The following HIP1 variants were observed in gnomAD, a reference collection of about 807,000 sequenced individuals.
HIP1 encodes huntingtin interacting protein 1, also known as huntingtin-interacting protein 1.
HIP1 carries 65 observed loss-of-function variants against 147.6 expected under a neutral mutation model. The observed-to-expected ratio is 0.44, with a 90% CI of 0.36 to 0.54. HIP1 has a LOEUF of 0.54. Ranked by LOEUF, HIP1 falls within the 20% of genes least tolerant of loss-of-function variation. HIP1 has a pLI of 0.00. For missense variants in HIP1, 1,061 were observed against 1,299.6 expected, an observed-to-expected ratio of 0.82 and a Z score of 2.82; for synonymous variants, 479 against 504.0, an observed-to-expected ratio of 0.95 and a Z score of 0.67.
chr7:75,542,943 G>T lies in HIP1; in HGVS notation c.2798C>A (p.Ala933Asp). 2 of 1,614,008 alleles carry T rather than the reference G, an allele frequency of 1.2e-6. No homozygotes were observed. Among genetic ancestry groups the T allele is most frequent in the South Asian group, 2.2e-5 (2 of 91,048 alleles). Reference sequence around the variant, plus strand: ...TCCCCGAGAGGCCTGCTGCAGCTGGGCTAGGTTGGGGCTGTCCTTATCAGC... The same window carrying T: ...TCCCCGAGAGGCCTGCTGCAGCTGGTCTAGGTTGGGGCTGTCCTTATCAGC... ...VKADKDSPNL[A>D]QLQQASRGVN... Residue 933 changes from alanine (A) to aspartate (D), a missense_variant, in exon 28 of 31, where the codon GCC becomes GAC. By Grantham distance (126) the Ala-to-Asp change is moderately radical (BLOSUM62 -2). Transcript: ENST00000336926.
chr7:75,730,341 A>ATTT (rs113646244), intron 1 of HIP1, among the ~76,000 whole-genome samples: 4 of 143,404 alleles, frequency 2.8e-5, no homozygotes, highest in Admixed American at 7.0e-5. Context: ...GTAAAATAGG[A>ATTT]TTTTTTTTTT....
At chr7:75,630,842 C>A (rs1798188356) in intron 1 of HIP1, among the ~76,000 whole-genome samples, 1 of 152,204 alleles carries the variant, frequency 6.6e-6, no homozygotes, top group Non-Finnish European at 1.5e-5. Flanking sequence ...ATGCTCCCCT[C>A]TTTCCCTGAA....
chr7:75,594,752 C>T (rs899498109), intron 2 of HIP1, among the ~76,000 whole-genome samples: 5 of 152,128 alleles, frequency 3.3e-5, no homozygotes, highest in Non-Finnish European at 5.9e-5. Context: ...CCAGCCTGGG[C>T]GACAGAGCGA....
In HIP1 at chr7:75,567,750, G is replaced by T. The variant is rs587718918; in HGVS notation, c.803+449C>A. On this transcript the variant is annotated intron_variant, in intron 9 of 30. Transcript: ENST00000336926. ...CAGGAGGCGGAGGTTGCAGTGAGCC[G>T]AGATCGTGCCATTGCCATTGCACTC... Among the ~76,000 whole-genome samples the T allele has an allele frequency of 2.0e-5, 3 of 146,494 alleles. No individual in the cohort carries two copies. In the South Asian group the frequency reaches 6.2e-4, roughly 30 times the overall value.
intron 22 of HIP1, among the ~76,000 whole-genome samples, chr7:75,550,357 C>T (rs1000984159): frequency 1.2e-4 from 18 of 152,230 alleles, no homozygotes; most frequent in Non-Finnish European, 4.4e-5. Flanking sequence ...CCCTTACTCC[C>T]TGCCTTCTAC....
intron 22 of HIP1, among the ~76,000 whole-genome samples, chr7:75,549,353 G>T (rs1380234045): frequency 2.0e-5 from 3 of 148,004 alleles, no homozygotes; most frequent in East Asian, 2.0e-4. Context: ...TTTTTCTTTT[G>T]CTTTCTTTCT....
intron 1 of HIP1, among the ~76,000 whole-genome samples, chr7:75,735,458 T>C (rs1166235184): frequency 6.6e-6 from 1 of 152,190 alleles, no homozygotes; most frequent in East Asian, 1.9e-4. Flanking sequence ...ACACAATAAT[T>C]AGTTAGTTAT....
chr7:75,637,992 CCACACACACACATACACACACACACA>C (rs1798496719), intron 1 of HIP1, among the ~76,000 whole-genome samples: 5 of 48,618 alleles, frequency 1.0e-4, no homozygotes, highest in African/African-American at 4.3e-4. Flanking sequence ...CCCCCCCCCC[CCACACACACACATACACACACACACA>C]CACACACACA....
At chr7:75,641,056 C>T (rs567672807) in intron 1 of HIP1, among the ~76,000 whole-genome samples, 1 of 152,122 alleles carries the variant, frequency 6.6e-6, no homozygotes, top group South Asian at 2.1e-4. Flanking sequence ...CCTCTAATCC[C>T]AGCACTTTGG....
At chr7:75,547,632 C>A in intron 24 of HIP1, 123 bp downstream of exon 24, 1 of 794,818 alleles carries the variant, frequency 1.3e-6, no homozygotes. Context: ...ATTACATCAA[C>A]TCAGCCCTTC....
At chr7:75,555,372 C>A (rs1554493022) in intron 19 of HIP1, 44 bp downstream of exon 19, 6 of 1,609,818 alleles carry the variant, frequency 3.7e-6, no homozygotes, top group Non-Finnish European at 3.4e-6. Context: ...GAGTCTCAGG[C>A]TGTAAGGACC....
intron 1 of HIP1, among the ~76,000 whole-genome samples, chr7:75,681,087 A>T (rs913563900): frequency 4.6e-5 from 7 of 150,876 alleles, no homozygotes; most frequent in Non-Finnish European, 1.0e-4. Flanking sequence ...AGATTTTTGT[A>T]TTTTTAGTAG....
intron 1 of HIP1, among the ~76,000 whole-genome samples, chr7:75,609,453 G>A (rs1797344847): frequency 6.6e-6 from 1 of 151,998 alleles, no homozygotes. Flanking sequence ...GTGTACCTGG[G>A]ATACCACCTC....
chr7:75,558,767 C>T (rs1795113591), intron 14 of HIP1, among the ~76,000 whole-genome samples: 1 of 152,036 alleles, frequency 6.6e-6, no homozygotes, highest in Non-Finnish European at 1.5e-5. Context: ...GCCTATAATC[C>T]CAGCACTTTG....
intron 1 of HIP1, among the ~76,000 whole-genome samples, chr7:75,617,945 T>G (rs1364950957): frequency 6.6e-6 from 1 of 152,188 alleles, no homozygotes. Flanking sequence ...ACCAGACATA[T>G]CCTGATCTTT....
At chr7:75,639,353 G>A (rs1353776309) in intron 1 of HIP1, 8 of 246,856 alleles carry the variant, frequency 3.2e-5, no homozygotes, top group African/African-American at 4.7e-5. Context: ...AGACCGGCGC[G>A]CCCGAGCCCC....
rs1343622585 is a variant in HIP1, at chr7:75,595,239, TCTTTCTTTCTTTCTTCCTTC to T, written c.185-2745_185-2726del. 5.3e-3 allele frequency among the ~76,000 whole-genome samples: 585 copies of T among 110,580 alleles called. 1 individual carries two copies. The highest frequency in any genetic ancestry group is 7.9e-3 in the Admixed American group (86 of 10,874). 72.5% of individuals were successfully genotyped at this position (110,580 alleles called of 152,430 possible). A position where few individuals can be genotyped will look rare whatever the true frequency, so the allele number is the denominator to read the frequency against. ...TTCTTTCTTTCTTTCTTTCTTTCTT[TCTTTCTTTCTTTCTTCCTTC>T]CTTCCTTCCTTCCTTCCTTCCTTCC... On this transcript the variant is annotated intron_variant, in intron 2 of 30. Coordinates refer to ENST00000336926, the MANE Select transcript of HIP1 (RefSeq NM_005338.7).
At chr7:75,666,924 G>A (rs1404436244) in intron 1 of HIP1, among the ~76,000 whole-genome samples, 1 of 152,136 alleles carries the variant, frequency 6.6e-6, no homozygotes, top group Non-Finnish European at 1.5e-5. Context: ...AAGCAAAAAA[G>A]CAGGACACGA....
At chr7:75,635,824 A>G (rs1348936566) in intron 1 of HIP1, among the ~76,000 whole-genome samples, 5 of 151,656 alleles carry the variant, frequency 3.3e-5, no homozygotes, top group Non-Finnish European at 7.4e-5. Context: ...GGAGTTCGAC[A>G]CCAGCCTGGG....
Sources: gnomAD v4.1 joint callset for allele counts (sites outside exome capture counted in the v4.1 genomes callset) on GRCh38, gnomAD v4.1.1 for gene constraint, MANE v1.5 for transcripts, NCBI Gene and HGNC (gene_info 2026-07-23, HGNC 2026-07-21) for gene names.